IMMP2L: variants seen among roughly 807,000 people sequenced by gnomAD.
IMMP2L encodes inner mitochondrial membrane peptidase subunit 2.
Under a neutral mutation model 19.3 loss-of-function variants are expected in IMMP2L, and 18 were observed. The ratio of observed to expected loss-of-function variants is 0.93; its 90% CI spans 0.64 to 1.38. The LOEUF (loss-of-function observed/expected upper bound fraction) is 1.38, where lower values mean the gene tolerates loss of function less well. Ranked by LOEUF, IMMP2L falls within the 40% of genes most tolerant of loss-of-function variation. IMMP2L has a pLI of 0.00. For missense variants in IMMP2L, 233 were observed against 218.2 expected (o/e 1.07, Z -0.43); for synonymous variants, 76 against 73.0 (o/e 1.04, Z -0.21).
At chr7:110,932,576 G>A (rs1187938136) in intron 4 of IMMP2L, among the ~76,000 whole-genome samples, 2 of 151,992 alleles carry the variant, frequency 1.3e-5, no homozygotes, top group African/African-American at 4.8e-5. Flanking sequence ...GGATGGTCTC[G>A]ATCTCCTGAC....
At chr7:111,264,471 A>T (rs1226104591) in intron 3 of IMMP2L, among the ~76,000 whole-genome samples, 1 of 152,124 alleles carries the variant, frequency 6.6e-6, no homozygotes, top group African/African-American at 2.4e-5. Flanking sequence ...TATCTCTGAA[A>T]AACTTGCCCT....
chr7:111,299,648 T>C (rs1055537955), intron 3 of IMMP2L, among the ~76,000 whole-genome samples: 2 of 150,058 alleles, frequency 1.3e-5, no homozygotes, highest in Non-Finnish European at 3.0e-5. Context: ...AAAAATAAAA[T>C]ATTAAACTTA....
rs372757851 is a variant in IMMP2L, at chr7:110,803,897, TG to T, written c.408+82695del. Among the ~76,000 whole-genome samples the T allele has an allele frequency of 3.6e-4, 55 of 152,126 alleles. No homozygotes were observed. In the East Asian group the frequency reaches 6.4e-3, roughly 18 times the overall value. Reference sequence around the variant, plus strand: ...CTAAGACCTGGTGAATTACAAAGTCTGGGGGTGGGGCCATGCAGGAATCTGT... The same window carrying T: ...CTAAGACCTGGTGAATTACAAAGTCTGGGGTGGGGCCATGCAGGAATCTGT... On this transcript the variant is annotated intron_variant, in intron 5 of 5. Coordinates refer to ENST00000405709, the MANE Select transcript of IMMP2L (RefSeq NM_032549.4). The surrounding 1 kb of genome is among the most constrained non-coding windows in gnomAD (Gnocchi z 4.2).
chr7:111,400,263 A>G (rs1334868512), intron 3 of IMMP2L, among the ~76,000 whole-genome samples: 2 of 152,172 alleles, frequency 1.3e-5, no homozygotes, highest in African/African-American at 2.4e-5. Flanking sequence ...AGACTACAAG[A>G]CTTTTAATTC....
chr7:110,750,442 T>C (rs1039598258), intron 5 of IMMP2L, among the ~76,000 whole-genome samples: 9 of 152,086 alleles, frequency 5.9e-5, no homozygotes, highest in African/African-American at 2.2e-4. Flanking sequence ...TATTCTTGGA[T>C]TGCATTGTAA....
rs1221403649 is a variant in IMMP2L, at chr7:111,377,656, A to G, written c.239+109582T>C. On this transcript the variant is annotated intron_variant, in intron 3 of 5. Coordinates refer to ENST00000405709, the MANE Select transcript of IMMP2L (RefSeq NM_032549.4). ...GCCTATTTATTCGGCTTGGCTTTTG[A>G]TTCTGTGATATAACCACATTTTATC... Among the ~76,000 whole-genome samples the G allele has an allele frequency of 2.0e-5, 3 of 151,856 alleles. 1 individual carries two copies. Among genetic ancestry groups the G allele is most frequent in the Non-Finnish European group, 4.4e-5 (3 of 67,952 alleles).
intron 3 of IMMP2L, among the ~76,000 whole-genome samples, chr7:111,287,964 G>T (rs564156078): frequency 6.6e-6 from 1 of 152,130 alleles, no homozygotes; most frequent in Non-Finnish European, 1.5e-5. Flanking sequence ...AGAGAATCTG[G>T]GTTTCCATAA....
chr7:110,765,744 G>A (rs1212657170), intron 5 of IMMP2L, among the ~76,000 whole-genome samples: 1 of 152,010 alleles, frequency 6.6e-6, no homozygotes, highest in African/African-American at 2.4e-5. Context: ...TGATCAAATT[G>A]GGGTAATTAG....
intron 5 of IMMP2L, among the ~76,000 whole-genome samples, chr7:110,671,386 C>T (rs1419118498): frequency 6.6e-6 from 1 of 152,052 alleles, no homozygotes; most frequent in Admixed American, 6.5e-5. Flanking sequence ...TTTCTTGCCT[C>T]CCATGGATCA....
chr7:111,006,520 ATTAAGC>A (rs1186004011), intron 3 of IMMP2L, among the ~76,000 whole-genome samples: 2 of 152,306 alleles, frequency 1.3e-5, no homozygotes, highest in South Asian at 2.1e-4. Context: ...TGAGGCATCT[ATTAAGC>A]TCAAATCTTT....
intron 5 of IMMP2L, among the ~76,000 whole-genome samples, chr7:110,862,356 T>C (rs1331229978): frequency 2.0e-5 from 3 of 151,852 alleles, no homozygotes; most frequent in Non-Finnish European, 4.4e-5. Flanking sequence ...TATTTTTTTT[T>C]AGAAACAGGG....
At chr7:110,779,317 T>C (rs1432007443) in intron 5 of IMMP2L, among the ~76,000 whole-genome samples, 1 of 151,970 alleles carries the variant, frequency 6.6e-6, no homozygotes, top group Non-Finnish European at 1.5e-5. Context: ...GCAATGAGTG[T>C]AAATAATTGT....
intron 3 of IMMP2L, among the ~76,000 whole-genome samples, chr7:111,242,069 T>A (rs911267476): frequency 2.6e-5 from 4 of 151,964 alleles, no homozygotes; most frequent in Non-Finnish European, 4.4e-5. Flanking sequence ...TTTTGCATCA[T>A]AGAAGTGATT....
chr7:111,560,369 T>A (rs1791893776), intron 1 of IMMP2L, among the ~76,000 whole-genome samples: 1 of 152,204 alleles, frequency 6.6e-6, no homozygotes, highest in South Asian at 2.1e-4. Flanking sequence ...TTTATTTTTC[T>A]AAGTACATCA....
At chr7:110,867,165 G>T (rs940007978) in intron 5 of IMMP2L, among the ~76,000 whole-genome samples, 28 of 151,900 alleles carry the variant, frequency 1.8e-4, no homozygotes, top group African/African-American at 6.8e-4. Context: ...TCTGAATGCT[G>T]GAAGTCCAAG....
chr7:111,286,679 A>G (rs1820521574), intron 3 of IMMP2L, among the ~76,000 whole-genome samples: 1 of 152,094 alleles, frequency 6.6e-6, no homozygotes, highest in Non-Finnish European at 1.5e-5. Context: ...GGCATATTGA[A>G]CTTAGAGAAT....
intron 3 of IMMP2L, among the ~76,000 whole-genome samples, chr7:111,312,579 G>C (rs977807977): frequency 6.6e-6 from 1 of 152,062 alleles, no homozygotes; most frequent in East Asian, 1.9e-4. Context: ...AAACCTTCTA[G>C]TGTAGTCAAA....
At position 111,214,000 on chromosome 7, in the gene IMMP2L, T is replaced by C. The variant is rs1379229505; in HGVS notation, c.240-250435A>G. Among the ~76,000 whole-genome samples, 1 of 152,196 alleles carries C rather than the reference T, an allele frequency of 6.6e-6. No homozygotes were observed. The highest frequency in any genetic ancestry group is 2.4e-5 in the African/African-American group (1 of 41,428). On this transcript the variant is annotated intron_variant, in intron 3 of 5. Transcript: ENST00000405709. The surrounding 1 kb of genome is among the most constrained non-coding windows in gnomAD (Gnocchi z 4.8). ...ATTCATACATTTCTAATGTAAAATA[T>C]ATGATGGTTAACTTTGGTAAACTTG...
chr7:111,552,691 T>C (rs1275995369), intron 1 of IMMP2L, among the ~76,000 whole-genome samples: 1 of 152,152 alleles, frequency 6.6e-6, no homozygotes, highest in African/African-American at 2.4e-5. Context: ...TGTTATCCTC[T>C]CAGAGAGCCT....
Sources: allele counts gnomAD v4.1 joint callset (sites outside exome capture counted in the v4.1 genomes callset), GRCh38; gene constraint gnomAD v4.1.1; non-coding constraint Gnocchi (gnomAD v3.1); transcripts MANE v1.5; gene names NCBI Gene and HGNC (gene_info 2026-07-23, HGNC 2026-07-21).